WWC2: variants seen among roughly 807,000 people sequenced by gnomAD.
WWC2 encodes the protein WW and C2 domain containing 2.
Under a neutral mutation model 138.5 loss-of-function variants are expected in WWC2, and 101 were observed. The ratio of observed to expected loss-of-function variants is 0.73; its 90% CI spans 0.62 to 0.86. The LOEUF (loss-of-function observed/expected upper bound fraction) is 0.86. Ranked by LOEUF, WWC2 falls within the 40% of genes least tolerant of loss-of-function variation. The pLI is 0.00. For missense variants in WWC2, 1,420 were observed against 1,419.4 expected (o/e 1.00, Z -0.01); for synonymous variants, 558 against 538.4 (o/e 1.04, Z -0.50).
chr4:183,278,756 C>CACTCCTGA (rs1439568612), intron 16 of WWC2, among the ~76,000 whole-genome samples: 1 of 151,778 alleles, frequency 6.6e-6, no homozygotes, highest in Non-Finnish European at 1.5e-5. Flanking sequence ...AATGGGAATT[C>CACTCCTGA]ACTCCTGATT....
chr4:183,194,545 T>C (rs1282426341), intron 2 of WWC2, among the ~76,000 whole-genome samples: 1 of 152,238 alleles, frequency 6.6e-6, no homozygotes, highest in Non-Finnish European at 1.5e-5. Context: ...GATCTATTCT[T>C]ATATTTAAAA....
At position 183,318,345 on chromosome 4, in the gene WWC2, CTG is replaced by C. The variant is rs1739509782; in HGVS notation, c.*2617_*2618del. 1 of 152,560 alleles carries C rather than the reference CTG, an allele frequency of 6.6e-6. No homozygotes were observed. The highest frequency in any genetic ancestry group is 2.4e-5 in the African/African-American group (1 of 41,424). 9.5% of individuals were successfully genotyped at this position (152,560 alleles called of 1,614,324 possible). On this transcript the variant is annotated 3_prime_UTR_variant, in exon 23 of 23. Coordinates refer to ENST00000403733, the MANE Select transcript of WWC2 (RefSeq NM_024949.6). Reference sequence around the variant, plus strand: ...TGTCTTAAATATCAAAAGCTCAGGACTGAACTTAATATTTAATCAGGTTAAAT... The same window carrying C: ...TGTCTTAAATATCAAAAGCTCAGGACAACTTAATATTTAATCAGGTTAAAT...
intron 4 of WWC2, among the ~76,000 whole-genome samples, chr4:183,230,430 A>G (rs1263765404): frequency 6.6e-6 from 1 of 152,256 alleles, no homozygotes; most frequent in African/African-American, 2.4e-5. Context: ...TAATCCCAGC[A>G]CTTTGGGAGG....
In WWC2 at chr4:183,152,368, G is replaced by A. The variant is rs142984471; in HGVS notation, c.132-41231G>A. 5.1e-3 allele frequency among the ~76,000 whole-genome samples: 780 copies of A among 152,078 alleles called. 12 individuals are homozygous for A. Among genetic ancestry groups the A allele is most frequent in the African/African-American group, 0.018 (728 of 41,496 alleles). ...AAAAAAATTAGCTTGGCATGTAGAT[G>A]TGTGCTTGTACTTCCAGCTACTTGG... On this transcript the variant is annotated intron_variant, in intron 1 of 22. Transcript: ENST00000403733.
intron 1 of WWC2, among the ~76,000 whole-genome samples, chr4:183,124,177 G>C (rs1298918020): frequency 6.6e-6 from 1 of 152,130 alleles, no homozygotes; most frequent in Non-Finnish European, 1.5e-5. Flanking sequence ...ATAATTGTTT[G>C]GGTATCTATA....
At chr4:183,168,178 CTTTTTTTT>C (rs143205549) in intron 1 of WWC2, among the ~76,000 whole-genome samples, 1 of 138,788 alleles carries the variant, frequency 7.2e-6, no homozygotes, top group Admixed American at 7.2e-5. Context: ...TCTTTTCTTT[CTTTTTTTT>C]TTTTTTTTAA....
chr4:183,283,309 C>T (rs954102278), intron 18 of WWC2, among the ~76,000 whole-genome samples: 1 of 152,164 alleles, frequency 6.6e-6, no homozygotes, highest in Non-Finnish European at 1.5e-5. Context: ...TTAGGCGATG[C>T]CCTGATTAGA....
At chr4:183,178,049 A>G (rs1450460023) in intron 1 of WWC2, among the ~76,000 whole-genome samples, 1 of 152,190 alleles carries the variant, frequency 6.6e-6, no homozygotes, top group East Asian at 1.9e-4. Context: ...GCGTTAGGAC[A>G]TTTGTTCAGG....
At chr4:183,160,147 GC>G (rs1733918491) in intron 1 of WWC2, among the ~76,000 whole-genome samples, 2 of 152,160 alleles carry the variant, frequency 1.3e-5, no homozygotes, top group South Asian at 4.1e-4. Context: ...TAACAAATGT[GC>G]ATCATGATCA....
intron 2 of WWC2, among the ~76,000 whole-genome samples, chr4:183,197,131 C>T (rs917016810): frequency 1.3e-5 from 2 of 152,158 alleles, no homozygotes; most frequent in African/African-American, 4.8e-5. Context: ...AATTAAAGTA[C>T]ATTTCAAGTA....
At chr4:183,140,464 A>G (rs1331217923) in intron 1 of WWC2, among the ~76,000 whole-genome samples, 1 of 152,140 alleles carries the variant, frequency 6.6e-6, no homozygotes, top group Non-Finnish European at 1.5e-5. Context: ...ACAAGATTTG[A>G]GACCACTGCT....
chr4:183,288,346 C>G (rs75265778), intron 20 of WWC2, among the ~76,000 whole-genome samples: 1,784 of 152,150 alleles, frequency 0.012, 26 homozygotes, highest in South Asian at 0.044. Context: ...ATTTGAGTCC[C>G]TCCTCGCTCA....
At position 183,280,686 on chromosome 4, in the gene WWC2, C is replaced by G. The variant is rs1738040207; in HGVS notation, c.2563-90C>G. 8.0e-6 allele frequency: 11 copies of G among 1,372,486 alleles called. No individual in the cohort carries two copies. The Admixed American group carries it at 1.2e-4, about 15-fold the overall frequency. 85.0% of individuals were successfully genotyped at this position (1,372,486 alleles called of 1,614,324 possible). On this transcript the variant is annotated intron_variant, in intron 16 of 22. Coordinates refer to ENST00000403733, the MANE Select transcript of WWC2 (RefSeq NM_024949.6). ...CAGCAGGAGAGTTGAGTCGTCTTTA[C>G]AGATAGAAGTGTAAATTCCCATCTG...
intron 4 of WWC2, among the ~76,000 whole-genome samples, chr4:183,226,090 CTTTTCTT>C (rs966070995): frequency 1.1e-4 from 15 of 138,274 alleles, no homozygotes; most frequent in African/African-American, 4.1e-4. Context: ...CTTTTCTTTT[CTTTTCTT>C]TTTTTTTTTT....
At chr4:183,289,263 T>C (rs1738353310) in intron 20 of WWC2, 130 bp from the exon 21 acceptor site, 2 of 1,377,164 alleles carry the variant, frequency 1.5e-6, no homozygotes, top group Non-Finnish European at 1.9e-6. Flanking sequence ...AGCGAGTTGC[T>C]CCTGCCCCTT....
intron 1 of WWC2, among the ~76,000 whole-genome samples, chr4:183,127,192 G>A (rs1226792468): frequency 7.2e-5 from 11 of 152,050 alleles, no homozygotes; most frequent in Admixed American, 6.6e-4. Context: ...AAGATTAAAC[G>A]TATAAAATTA....
In WWC2 at chr4:183,223,095, T is replaced by A. The variant is rs190779934; in HGVS notation, c.522+14070T>A. 1.0e-4 allele frequency among the ~76,000 whole-genome samples: 16 copies of A among 152,382 alleles called. No individual in the cohort carries two copies. In the East Asian group the frequency reaches 3.1e-3, roughly 29 times the overall value. On this transcript the variant is annotated intron_variant, in intron 4 of 22. Transcript: ENST00000403733. ...TGTTTTTGCTATACCCTTTCTATCTTTTGATATGTTTAGATACACAAATGC... is the reference window on the plus strand; with the variant it reads ...TGTTTTTGCTATACCCTTTCTATCTATTGATATGTTTAGATACACAAATGC...
chr4:183,270,333 CCATTCTACTAACTTAT>C (rs1737658787), intron 15 of WWC2, among the ~76,000 whole-genome samples: 1 of 151,994 alleles, frequency 6.6e-6, no homozygotes, highest in Admixed American at 6.6e-5. Flanking sequence ...ACTTTTTTTG[CCATTCTACTAACTTAT>C]GTATCTAAAG....
At chr4:183,224,596 T>A (rs1329708600) in intron 4 of WWC2, among the ~76,000 whole-genome samples, 1 of 152,228 alleles carries the variant, frequency 6.6e-6, no homozygotes, top group Non-Finnish European at 1.5e-5. Context: ...AGTCTCGCTC[T>A]GTCACCCAGG....
Sources: gnomAD v4.1 joint callset for allele counts (sites outside exome capture counted in the v4.1 genomes callset) on GRCh38, gnomAD v4.1.1 for gene constraint, MANE v1.5 for transcripts, NCBI Gene and HGNC (gene_info 2026-07-23, HGNC 2026-07-21) for gene names.